NDUFAF6: variants seen among roughly 807,000 people sequenced by gnomAD.
NDUFAF6 encodes NADH dehydrogenase (ubiquinone) complex I, assembly factor 6.
Under a neutral mutation model 40.8 loss-of-function variants are expected in NDUFAF6, and 45 were observed. That is an observed-to-expected ratio of 1.10 (90% CI 0.87 to 1.42). The LOEUF (loss-of-function observed/expected upper bound fraction) is 1.42. NDUFAF6 is among the 40% of genes most tolerant of loss of function. The pLI is 0.00. For synonymous variants in NDUFAF6, 185 were observed against 155.9 expected (o/e 1.19, Z -1.39); for missense variants, 435 against 418.5 (o/e 1.04, Z -0.34).
At chr8:95,011,854 C>G (rs7818688) in intron 2 of NDUFAF6, among the ~76,000 whole-genome samples, 2 of 152,052 alleles carry the variant, frequency 1.3e-5, no homozygotes, top group African/African-American at 4.8e-5. Context: ...ACTCAAAAGT[C>G]TAGTAAGTAT....
intron 1 of NDUFAF6, among the ~76,000 whole-genome samples, chr8:94,962,160 C>A (rs193001328): frequency 4.2e-4 from 64 of 152,340 alleles, no homozygotes; most frequent in African/African-American, 1.5e-3. Flanking sequence ...ACCCTTTCTA[C>A]TTCTTCCTGC....
At chr8:94,938,105 A>G (rs1414194022) in intron 1 of NDUFAF6, among the ~76,000 whole-genome samples, 2 of 152,186 alleles carry the variant, frequency 1.3e-5, no homozygotes, top group Non-Finnish European at 2.9e-5. Context: ...AAAAGATGAC[A>G]TTGTTTCTAA....
intron 2 of NDUFAF6, among the ~76,000 whole-genome samples, chr8:94,993,758 C>CA (rs1193574546): frequency 6.6e-6 from 1 of 152,078 alleles, no homozygotes; most frequent in East Asian, 1.9e-4. Flanking sequence ...ATCCAGCCCA[C>CA]AAAAATAATA....
intron 2 of NDUFAF6, among the ~76,000 whole-genome samples, chr8:94,990,998 C>A (rs1028964173): frequency 1.3e-5 from 2 of 152,224 alleles, no homozygotes; most frequent in African/African-American, 4.8e-5. Context: ...CCCTGTACCT[C>A]TAGTCACTTA....
intron 2 of NDUFAF6, among the ~76,000 whole-genome samples, chr8:95,005,612 CTCA>C (rs1395869833): frequency 6.8e-6 from 1 of 146,204 alleles, no homozygotes; most frequent in Non-Finnish European, 1.5e-5. Flanking sequence ...ATTATAAGCC[CTCA>C]TCATTTTATT....
intron 2 of NDUFAF6, among the ~76,000 whole-genome samples, chr8:95,005,202 GAGATGATATA>G (rs1826908345): frequency 6.6e-6 from 1 of 152,002 alleles, no homozygotes; most frequent in South Asian, 2.1e-4. Context: ...GGGAGTAACT[GAGATGATATA>G]GGCCGAACGT....
At chr8:94,931,587 T>TACACACAC (rs557721378) in intron 1 of NDUFAF6, among the ~76,000 whole-genome samples, 2,581 of 68,596 alleles carry the variant, frequency 0.038, 60 homozygotes, top group African/African-American at 0.078. Context: ...ACATATTTAT[T>TACACACAC]ACACACACAC....
chr8:95,025,771 T>TTAACC (rs1196415076), intron 1 of NDUFAF6, among the ~76,000 whole-genome samples: 3 of 152,190 alleles, frequency 2.0e-5, no homozygotes, highest in African/African-American at 7.2e-5. Flanking sequence ...TTGCCACAGG[T>TTAACC]TCACAAGAAT....
chr8:94,916,840 C>A (rs13282419), intron 1 of NDUFAF6, among the ~76,000 whole-genome samples: 2 of 139,818 alleles, frequency 1.4e-5, no homozygotes, highest in Non-Finnish European at 1.5e-5. Context: ...AAAGGCCGGG[C>A]GCGGTGGCTC....
chr8:95,117,313 A>G (rs186353553), downstream of NDUFAF6, among the ~76,000 whole-genome samples: 1 of 152,360 alleles, frequency 6.6e-6, no homozygotes, highest in African/African-American at 2.4e-5. Context: ...GTCCCTGGAA[A>G]GGTGGGCTGA....
chr8:94,963,200 A>C (rs992193570), intron 1 of NDUFAF6, among the ~76,000 whole-genome samples: 2 of 152,216 alleles, frequency 1.3e-5, no homozygotes, highest in African/African-American at 4.8e-5. Context: ...TACAGAGAAA[A>C]AGAAGGTTAG....
chr8:95,041,788 C>T (rs1337108782), intron 4 of NDUFAF6, among the ~76,000 whole-genome samples, 162 bp downstream of exon 4: 1 of 152,136 alleles, frequency 6.6e-6, no homozygotes, highest in Admixed American at 6.5e-5. Context: ...CATGCTACCC[C>T]CCATACCCTC....
intron 2 of NDUFAF6, among the ~76,000 whole-genome samples, chr8:95,009,758 A>G (rs1827153631): frequency 6.6e-6 from 1 of 152,188 alleles, no homozygotes; most frequent in Admixed American, 6.5e-5. Flanking sequence ...AGAGATCTCA[A>G]AAGAGGGCAG....
At chr8:94,909,402 G>GGCA (rs1414008591) in intron 1 of NDUFAF6, among the ~76,000 whole-genome samples, 3 of 123,736 alleles carry the variant, frequency 2.4e-5, no homozygotes, top group African/African-American at 9.2e-5. Context: ...AGGCCAAGGC[G>GGCA]GATCACAAGG....
chr8:95,090,665 TGATTG>T (rs1293377772), intron 2 of NDUFAF6, among the ~76,000 whole-genome samples: 2 of 152,320 alleles, frequency 1.3e-5, no homozygotes, highest in East Asian at 3.9e-4. Flanking sequence ...TCAGTCAACT[TGATTG>T]GATTGAAGGA....
rs540993916 is a variant in NDUFAF6 at position 95,001,597 on chromosome 8, T to A, written c.-84+20624T>A. Among the ~76,000 whole-genome samples, 76 of 152,336 alleles carry A rather than the reference T, an allele frequency of 5.0e-4. 1 individual carries two copies. The highest frequency in any genetic ancestry group is 1.8e-3 in the African/African-American group (74 of 41,582). ...ACTGCTAAGATTATATCATCACTTT[T>A]GGTATTTTTTGCCCAGGTATTTTTT... On this transcript the variant is annotated intron_variant, in intron 2 of 9. Transcript: ENST00000396111.
chr8:95,016,130 G>A (rs1211256188), intron 2 of NDUFAF6, among the ~76,000 whole-genome samples: 1 of 149,396 alleles, frequency 6.7e-6, no homozygotes, highest in Non-Finnish European at 1.5e-5. Context: ...TCTCCCCTCC[G>A]ATTGTGCCTT....
At chr8:94,922,412 C>T (rs1437992764) in intron 1 of NDUFAF6, among the ~76,000 whole-genome samples, 5 of 151,676 alleles carry the variant, frequency 3.3e-5, no homozygotes, top group East Asian at 1.9e-4. Flanking sequence ...TAGCAGCATG[C>T]GTATCATGCT....
intron 1 of NDUFAF6, among the ~76,000 whole-genome samples, chr8:94,968,275 G>C (rs139009763): frequency 3.5e-4 from 54 of 152,318 alleles, no homozygotes; most frequent in African/African-American, 1.3e-3. Context: ...TGAATACCAG[G>C]AAGTTCAGAT....
Sources: allele counts gnomAD v4.1 joint callset (sites outside exome capture counted in the v4.1 genomes callset), GRCh38; gene constraint gnomAD v4.1.1; transcripts MANE v1.5; gene names NCBI Gene and HGNC (gene_info 2026-07-23, HGNC 2026-07-21).